The following STXBP4 variants were observed in gnomAD, a reference collection of about 807,000 sequenced individuals.
The protein encoded by STXBP4 is syntaxin-binding protein 4.
In STXBP4, 55 loss-of-function variants were observed where a neutral mutation model predicts 76.1. That is an observed-to-expected ratio of 0.72 (90% CI 0.58 to 0.91). The LOEUF is 0.91. Ranked by LOEUF, STXBP4 falls within the 40% of genes least tolerant of loss-of-function variation. The pLI, the probability that STXBP4 is intolerant of heterozygous loss-of-function variation, is 0.00. For synonymous variants in STXBP4, 201 were observed against 220.2 expected, an observed-to-expected ratio of 0.91 and a Z score of 0.77; for missense variants, 618 against 636.9, an observed-to-expected ratio of 0.97 and a Z score of 0.32.
intron 10 of STXBP4, among the ~76,000 whole-genome samples, chr17:55,038,159 T>A (rs1339209503): frequency 6.6e-6 from 1 of 152,130 alleles, no homozygotes; most frequent in Non-Finnish European, 1.5e-5. Context: ...TTGTCTTTCT[T>A]AATTTATTTT....
At chr17:55,077,613 G>A (rs1427705573) in intron 13 of STXBP4, among the ~76,000 whole-genome samples, 1 of 151,790 alleles carries the variant, frequency 6.6e-6, no homozygotes, top group Non-Finnish European at 1.5e-5. Flanking sequence ...TCTTACCCCA[G>A]TGGGCTCACT....
the STXBP4 span, among the ~76,000 whole-genome samples, chr17:55,192,860 A>G: frequency 6.6e-6 from 1 of 152,158 alleles, no homozygotes; most frequent in Non-Finnish European, 1.5e-5. Flanking sequence ...TTTGTCTTAT[A>G]TTGCTGACCC....
At chr17:55,100,635 G>A (rs1313790261) in intron 16 of STXBP4, among the ~76,000 whole-genome samples, 1 of 152,154 alleles carries the variant, frequency 6.6e-6, no homozygotes, top group Non-Finnish European at 1.5e-5. Flanking sequence ...TAGAAGACTT[G>A]GTTTTTAAAG....
chr17:55,023,690 GAAAA>G (rs747622483), intron 8 of STXBP4, among the ~76,000 whole-genome samples: 15 of 151,052 alleles, frequency 9.9e-5, no homozygotes, highest in Non-Finnish European at 1.6e-4. Flanking sequence ...TAGGAAGGAA[GAAAA>G]AAAAGAAGAA....
At chr17:55,072,673 T>C (rs1280371542) in intron 12 of STXBP4, among the ~76,000 whole-genome samples, 1 of 152,204 alleles carries the variant, frequency 6.6e-6, no homozygotes, top group African/African-American at 2.4e-5. Flanking sequence ...GCTAGGTATA[T>C]GAAGTCAAGA....
chr17:55,187,443 C>A, the STXBP4 span, among the ~76,000 whole-genome samples: 66 of 148,740 alleles, frequency 4.4e-4, 1 homozygote, highest in African/African-American at 1.4e-3. Flanking sequence ...AAAAAAAAAA[C>A]AACAACAACA....
In STXBP4 at chr17:55,076,359, T is replaced by C. The variant is rs75962647; in HGVS notation, c.1189-1719T>C. ...TTTCTTTCTTCATGAGTACATATTT[T>C]AGAAATTCATGTAGTGAGGATCTGA... is the stretch of plus-strand genomic sequence containing the variant. On this transcript the variant is annotated intron_variant, in intron 13 of 17. Transcript: ENST00000376352. 1.3e-3 allele frequency among the ~76,000 whole-genome samples: 201 copies of C among 152,314 alleles called. 1 individual carries two copies. The highest frequency in any genetic ancestry group is 4.4e-3 in the African/African-American group (182 of 41,584).
In STXBP4 at chr17:55,171,629, A is replaced by G. The variant is rs2080406972; in HGVS notation, c.*11718A>G. 1 of 152,204 alleles carries G rather than the reference A, an allele frequency of 6.6e-6. No individual in the cohort carries two copies. The allele number at this position is 152,204 out of a possible 1,614,324, so 9.4% of individuals were successfully genotyped here. On this transcript the variant is annotated 3_prime_UTR_variant, in exon 18 of 18. Coordinates refer to ENST00000376352, the MANE Select transcript of STXBP4 (RefSeq NM_178509.6). ...CTGAATAAGATACATGGTGCCATGT[A>G]CATGGAAACTGACTGCTCTCATGTT...
chr17:55,072,757 T>C (rs1398587256), intron 12 of STXBP4, 143 bp from the exon 13 acceptor site: 2 of 577,662 alleles, frequency 3.5e-6, no homozygotes, highest in African/African-American at 1.9e-5. Flanking sequence ...AACATAACTA[T>C]TAATTTTCAA....
chr17:55,097,936 A>G (rs1237931213), intron 16 of STXBP4, among the ~76,000 whole-genome samples: 2 of 152,134 alleles, frequency 1.3e-5, no homozygotes, highest in African/African-American at 4.8e-5. Flanking sequence ...ATTAAAGCTA[A>G]TGTATCTGAA....
chr17:55,211,677 G>T, the STXBP4 span, among the ~76,000 whole-genome samples: 1 of 150,324 alleles, frequency 6.7e-6, no homozygotes. Context: ...ATATCCTCAT[G>T]TTTGTCCTTT....
chr17:55,089,255 A>T (rs1460290768), intron 16 of STXBP4, among the ~76,000 whole-genome samples: 1 of 152,190 alleles, frequency 6.6e-6, no homozygotes, highest in African/African-American at 2.4e-5. Context: ...CATTATTGTT[A>T]TTTAAAGTAA....
chr17:55,124,059 A>T (rs2079877520), intron 16 of STXBP4, among the ~76,000 whole-genome samples: 1 of 152,192 alleles, frequency 6.6e-6, no homozygotes, highest in Non-Finnish European at 1.5e-5. Context: ...TCAGCCTAAG[A>T]TATGACAAGA....
chr17:55,176,130 G>C (rs965186965), downstream of STXBP4, among the ~76,000 whole-genome samples: 2 of 152,178 alleles, frequency 1.3e-5, no homozygotes, highest in African/African-American at 4.8e-5. Context: ...TAGGGGCACA[G>C]ATGCTGCCCA....
chr17:55,031,150 G>T lies in STXBP4; in HGVS notation c.667-18G>T, dbSNP rs1377310827. ...GGAGATTTGAAAAATTGCTTTTCAT[G>T]AGTCCTTTATCTTCCAGGCTCTAAA... On this transcript the variant is annotated intron_variant, in intron 8 of 17. Coordinates refer to ENST00000376352, the MANE Select transcript of STXBP4 (RefSeq NM_178509.6). 1.3e-6 allele frequency: 2 copies of T among 1,598,404 alleles called. No individual in the cohort carries two copies. The highest frequency in any genetic ancestry group is 1.7e-6 in the Non-Finnish European group (2 of 1,168,142).
the STXBP4 span, among the ~76,000 whole-genome samples, chr17:55,189,252 T>TA: frequency 2.6e-5 from 4 of 152,202 alleles, no homozygotes; most frequent in Non-Finnish European, 4.4e-5. Flanking sequence ...AGAATATATA[T>TA]TTTTTAGTAA....
intron 17 of STXBP4, among the ~76,000 whole-genome samples, chr17:55,143,148 T>A (rs921127459): frequency 6.6e-6 from 1 of 152,224 alleles, no homozygotes; most frequent in Non-Finnish European, 1.5e-5. Context: ...CTCTATGCAT[T>A]ATATCATTTA....
chr17:55,073,131 T>C, intron 13 of STXBP4, 55 bp downstream of exon 13: 1 of 1,538,370 alleles, frequency 6.5e-7, no homozygotes, highest in South Asian at 1.2e-5. Flanking sequence ...CGTTGTCATG[T>C]ATCCTGTTTT....
At chr17:55,118,205 G>A (rs244351) in intron 16 of STXBP4, among the ~76,000 whole-genome samples, 95,038 of 151,726 alleles carry the variant, frequency 0.63, 30,431 homozygotes, top group African/African-American at 0.75. Context: ...TCAAACTGAG[G>A]AAGTGCTGTG....
Sources: allele counts gnomAD v4.1 joint callset (sites outside exome capture counted in the v4.1 genomes callset), GRCh38; gene constraint gnomAD v4.1.1; transcripts MANE v1.5; gene names NCBI Gene and HGNC (gene_info 2026-07-23, HGNC 2026-07-21).